The following MAP4K3 variants were observed in gnomAD, a reference collection of about 807,000 sequenced individuals.
MAP4K3 encodes MAPK/ERK kinase kinase kinase 3.
Under a neutral mutation model 143.5 loss-of-function variants are expected in MAP4K3, and 94 were observed. The observed-to-expected ratio is 0.65, with a 90% CI of 0.55 to 0.78. The LOEUF (loss-of-function observed/expected upper bound fraction) is 0.78. Ranked by LOEUF, MAP4K3 falls within the 30% of genes least tolerant of loss-of-function variation. The pLI is 0.00. For synonymous variants in MAP4K3, 416 were observed against 347.2 expected (o/e 1.20, Z -2.20); for missense variants, 1,077 against 1,068.1 (o/e 1.01, Z -0.12).
At chr2:39,328,944 G>A (rs185107949) in intron 8 of MAP4K3, among the ~76,000 whole-genome samples, 10 of 152,068 alleles carry the variant, frequency 6.6e-5, no homozygotes, top group South Asian at 2.1e-4. Flanking sequence ...AGACTTTTTC[G>A]AACAACTGAA....
chr2:39,290,612 T>A (rs887022910), intron 18 of MAP4K3, among the ~76,000 whole-genome samples: 2 of 151,610 alleles, frequency 1.3e-5, no homozygotes, highest in Admixed American at 6.6e-5. Flanking sequence ...AAAAAGTTGA[T>A]CTCATAGAAG....
chr2:39,427,772 C>T (rs1558352394), intron 1 of MAP4K3, among the ~76,000 whole-genome samples: 2 of 152,104 alleles, frequency 1.3e-5, no homozygotes, highest in Admixed American at 1.3e-4. Flanking sequence ...AAAAGAGTGG[C>T]CCTAATGAAT....
At chr2:39,386,030 G>A (rs919434853) in intron 1 of MAP4K3, among the ~76,000 whole-genome samples, 1 of 152,182 alleles carries the variant, frequency 6.6e-6, no homozygotes, top group African/African-American at 2.4e-5. Flanking sequence ...AAATTCATAT[G>A]TTGAAGTCCC....
intron 16 of MAP4K3, among the ~76,000 whole-genome samples, chr2:39,295,935 T>A (rs1257198320): frequency 6.6e-6 from 1 of 152,080 alleles, no homozygotes; most frequent in Non-Finnish European, 1.5e-5. Context: ...CCCAGGCTGG[T>A]CTTGAACTCC....
At chr2:39,292,653 A>G (rs2148480236) in intron 18 of MAP4K3, 120 bp downstream of exon 18, 1 of 807,618 alleles carries the variant, frequency 1.2e-6, no homozygotes, top group Non-Finnish European at 2.1e-6. Context: ...GGAAACTGAG[A>G]TACAACCCAT....
At chr2:39,395,246 T>G (rs916709288) in intron 1 of MAP4K3, among the ~76,000 whole-genome samples, 1 of 152,116 alleles carries the variant, frequency 6.6e-6, no homozygotes, top group Non-Finnish European at 1.5e-5. Context: ...CAAAGAAATT[T>G]AGCAACATAG....
intron 1 of MAP4K3, among the ~76,000 whole-genome samples, chr2:39,419,904 G>T (rs751454143): frequency 6.6e-6 from 1 of 152,212 alleles, no homozygotes; most frequent in Non-Finnish European, 1.5e-5. Context: ...GAAGATGGTG[G>T]AGCACAGGAT....
At chr2:39,299,697 TAATA>T in intron 16 of MAP4K3, 42 bp downstream of exon 16, 1 of 1,079,202 alleles carries the variant, frequency 9.3e-7, no homozygotes, top group Non-Finnish European at 1.3e-6. Context: ...AAAGGCAACT[TAATA>T]ATTCTTGAAT....
chr2:39,258,289 TAGC>T (rs1680428271), intron 31 of MAP4K3, 56 bp downstream of exon 31: 1 of 1,063,872 alleles, frequency 9.4e-7, no homozygotes, highest in Admixed American at 2.4e-5. Context: ...TTTGGATAAT[TAGC>T]AGATAAATTA....
chr2:39,373,808 T>TG (rs981500328), intron 2 of MAP4K3, among the ~76,000 whole-genome samples: 17 of 152,044 alleles, frequency 1.1e-4, no homozygotes, highest in African/African-American at 4.1e-4. Context: ...CAGGGCTTGG[T>TG]GGGGGGGTAG....
intron 1 of MAP4K3, among the ~76,000 whole-genome samples, chr2:39,381,591 T>C (rs1465586546): frequency 6.6e-6 from 1 of 152,170 alleles, no homozygotes; most frequent in Non-Finnish European, 1.5e-5. Flanking sequence ...TGATTTTTTT[T>C]TCTAAGATTT....
At chr2:39,391,378 A>G (rs113356221) in intron 1 of MAP4K3, among the ~76,000 whole-genome samples, 15 of 147,018 alleles carry the variant, frequency 1.0e-4, no homozygotes, top group African/African-American at 3.9e-4. Flanking sequence ...AAAAAAAAAA[A>G]AAAGAAAGAA....
chr2:39,334,371 T>C (rs1683790103), intron 6 of MAP4K3, among the ~76,000 whole-genome samples: 1 of 151,964 alleles, frequency 6.6e-6, no homozygotes, highest in Non-Finnish European at 1.5e-5. Context: ...GAAAAAATAC[T>C]GGGAACCCTC....
intron 1 of MAP4K3, among the ~76,000 whole-genome samples, chr2:39,379,574 C>T (rs767532034): frequency 1.3e-4 from 19 of 151,980 alleles, no homozygotes; most frequent in Non-Finnish European, 1.8e-4. Flanking sequence ...GTAAAGGAGG[C>T]AGAGTGTATC....
rs562339381 is a variant in MAP4K3, at chr2:39,384,842, AACCACCACC to A, written c.97-6728_97-6720del. Among the ~76,000 whole-genome samples, 110 of 152,282 alleles carry A rather than the reference AACCACCACC, an allele frequency of 7.2e-4. 1 individual carries two copies. Among genetic ancestry groups the A allele is most frequent in the African/African-American group, 2.5e-3 (104 of 41,564 alleles). On this transcript the variant is annotated intron_variant, in intron 1 of 33. Transcript: ENST00000263881. Reference sequence around the variant, plus strand: ...TTTTAACACATATATTAGATTATGTAACCACCACCACCACCACCATCAGGAAATAAGAAA... The same window carrying A: ...TTTTAACACATATATTAGATTATGTAACCACCACCATCAGGAAATAAGAAA...
chr2:39,262,318 G>C (rs1165188141), intron 28 of MAP4K3, among the ~76,000 whole-genome samples: 1 of 152,096 alleles, frequency 6.6e-6, no homozygotes, highest in East Asian at 1.9e-4. Flanking sequence ...TTTCCCTGTG[G>C]CTGCTAAAGT....
At chr2:39,257,796 CAAAA>C (rs1285158564) in intron 31 of MAP4K3, among the ~76,000 whole-genome samples, 2 of 59,668 alleles carry the variant, frequency 3.4e-5, no homozygotes, top group African/African-American at 5.3e-5. Flanking sequence ...CACTCCATCT[CAAAA>C]AAAAAAAAAA....
chr2:39,270,461 C>G (rs1394365711), intron 26 of MAP4K3, among the ~76,000 whole-genome samples: 1 of 152,026 alleles, frequency 6.6e-6, no homozygotes, highest in Admixed American at 6.6e-5. Context: ...TTTATCATGC[C>G]CAATAATGAT....
intron 1 of MAP4K3, among the ~76,000 whole-genome samples, chr2:39,408,074 A>C (rs1667142947): frequency 6.6e-6 from 1 of 152,212 alleles, no homozygotes; most frequent in Non-Finnish European, 1.5e-5. Flanking sequence ...CTTGAGCCTT[A>C]AAGGGAAAAA....
Sources: gnomAD v4.1 joint callset for allele counts (sites outside exome capture counted in the v4.1 genomes callset) on GRCh38, gnomAD v4.1.1 for gene constraint, MANE v1.5 for transcripts, NCBI Gene and HGNC (gene_info 2026-07-23, HGNC 2026-07-21) for gene names.